Variants in NLK observed in about 807,000 individuals in gnomAD.
The protein encoded by NLK is serine/threonine-protein kinase NLK.
NLK carries 11 observed loss-of-function variants against 59.0 expected under a neutral mutation model. The observed-to-expected ratio is 0.19, with a 90% CI of 0.12 to 0.31. The LOEUF (loss-of-function observed/expected upper bound fraction) is 0.31. Ranked by LOEUF, NLK falls within the 10% of genes least tolerant of loss-of-function variation. The pLI, the probability that NLK is intolerant of heterozygous loss-of-function variation, is 1.00. For synonymous variants in NLK, 235 were observed against 235.9 expected, an observed-to-expected ratio of 1.00 and a Z score of 0.03; for missense variants, 410 against 661.1, an observed-to-expected ratio of 0.62 and a Z score of 4.16.
At chr17:28,151,918 G>C (rs969305285) in intron 3 of NLK, among the ~76,000 whole-genome samples, 1 of 152,182 alleles carries the variant, frequency 6.6e-6, no homozygotes, top group Admixed American at 6.5e-5. Context: ...AATTATGTAC[G>C]TGTGTATGTG....
downstream of NLK, among the ~76,000 whole-genome samples, chr17:28,197,738 GTC>G (rs1228164585): frequency 6.7e-6 from 1 of 149,520 alleles, no homozygotes; most frequent in East Asian, 2.0e-4. Flanking sequence ...GTTTTTTTTT[GTC>G]TCTCTATGGT....
intron 7 of NLK, among the ~76,000 whole-genome samples, chr17:28,176,699 T>C (rs913225435): frequency 9.9e-5 from 15 of 152,232 alleles, no homozygotes; most frequent in Non-Finnish European, 1.6e-4. Flanking sequence ...TGTGAGAACA[T>C]ATAAAATAAA....
At chr17:28,163,518 CAATT>C in intron 4 of NLK, 21 bp from the exon 5 acceptor site, 1 of 1,333,336 alleles carries the variant, frequency 7.5e-7, no homozygotes, top group Non-Finnish European at 1.1e-6. Context: ...TAAATATCTG[CAATT>C]AAATCTGTTT....
At chr17:28,138,155 C>CATT (rs1906837630) in intron 3 of NLK, among the ~76,000 whole-genome samples, 1 of 152,182 alleles carries the variant, frequency 6.6e-6, no homozygotes, top group Non-Finnish European at 1.5e-5. Context: ...CTACAATGCA[C>CATT]ATTAACAGGC....
At chr17:28,129,785 C>T (rs888540302) in intron 2 of NLK, among the ~76,000 whole-genome samples, 1 of 151,982 alleles carries the variant, frequency 6.6e-6, no homozygotes, top group African/African-American at 2.4e-5. Flanking sequence ...AGATAAATTT[C>T]TTGTCTTTAT....
At chr17:28,145,933 C>T (rs950241922) in intron 3 of NLK, among the ~76,000 whole-genome samples, 2 of 152,080 alleles carry the variant, frequency 1.3e-5, no homozygotes, top group Non-Finnish European at 1.5e-5. Flanking sequence ...TCTTGACTCC[C>T]GATCTCAGGT....
intron 1 of NLK, among the ~76,000 whole-genome samples, chr17:28,077,284 G>T (rs573642822): frequency 6.6e-6 from 1 of 151,964 alleles, no homozygotes; most frequent in Admixed American, 6.6e-5. Flanking sequence ...CAGAATCATG[G>T]TGGGAGGCGA....
rs1352566680 is a variant in NLK, at chr17:28,176,722, C to T, written c.1149+4104C>T. On this transcript the variant is annotated intron_variant, in intron 7 of 10. Transcript: ENST00000407008. ...CATATAAAATAAAATTAAAATTTTA[C>T]AGCAAGTTAGTTATCTGCAACTACC... is the stretch of plus-strand genomic sequence containing the variant. Among the ~76,000 whole-genome samples, 3 of 152,166 alleles carry T rather than the reference C, an allele frequency of 2.0e-5. No individual in the cohort carries two copies. In the East Asian group the frequency reaches 5.8e-4, roughly 29 times the overall value.
chr17:28,113,708 A>G lies in NLK; in HGVS notation c.459-8895A>G, dbSNP rs112972705. Among the ~76,000 whole-genome samples, 14 of 152,200 alleles carry G rather than the reference A, an allele frequency of 9.2e-5. 1 individual carries two copies. Among genetic ancestry groups the G allele is most frequent in the South Asian group, 2.1e-4 (1 of 4,810 alleles). ...GACCTGTATCTTGTGCTGACCTCCT[A>G]TCTCATCCTGTGACTTAGAATGCCT... is the stretch of plus-strand genomic sequence containing the variant. On this transcript the variant is annotated intron_variant, in intron 1 of 10. Coordinates refer to ENST00000407008, the MANE Select transcript of NLK (RefSeq NM_016231.5).
At chr17:28,047,159 A>T (rs945125148) in intron 1 of NLK, among the ~76,000 whole-genome samples, 12 of 152,208 alleles carry the variant, frequency 7.9e-5, no homozygotes, top group African/African-American at 2.9e-4. Context: ...TAAACCAATG[A>T]TTACACTGTC....
chr17:28,164,158 C>T (rs1908124683), intron 5 of NLK, among the ~76,000 whole-genome samples: 1 of 151,928 alleles, frequency 6.6e-6, no homozygotes, highest in Admixed American at 6.6e-5. Flanking sequence ...TTGCTTGAGC[C>T]CAGGAGTTCA....
intron 1 of NLK, among the ~76,000 whole-genome samples, chr17:28,118,775 A>G (rs1305646491): frequency 2.0e-5 from 3 of 152,214 alleles, no homozygotes. Flanking sequence ...ATTTATGAGT[A>G]TAAAGAAGTA....
At chr17:28,200,803 T>G (rs544315449), downstream of NLK, among the ~76,000 whole-genome samples, 1 of 150,328 alleles carries the variant, frequency 6.7e-6, no homozygotes, top group Non-Finnish European at 1.5e-5. Flanking sequence ...TTAAAAAAAA[T>G]TTTTTTTTTT....
chr17:28,150,116 A>G (rs923380695), intron 3 of NLK, among the ~76,000 whole-genome samples: 1 of 152,060 alleles, frequency 6.6e-6, no homozygotes, highest in African/African-American at 2.4e-5. Context: ...GAGCAGCGTA[A>G]CCTCTCCCAG....
At chr17:28,111,892 GTGTGGTGTGTGTGT>G (rs1905511955) in intron 1 of NLK, among the ~76,000 whole-genome samples, 1 of 114,534 alleles carries the variant, frequency 8.7e-6, no homozygotes, top group African/African-American at 3.9e-5. Flanking sequence ...GTGTGTGTGT[GTGTGGTGTGTGTGT>G]GTGTGTGTGT....
At chr17:28,191,375 C>G (rs539137301) in intron 9 of NLK, among the ~76,000 whole-genome samples, 156 bp downstream of exon 9, 50 of 152,252 alleles carry the variant, frequency 3.3e-4, no homozygotes, top group African/African-American at 1.2e-3. Context: ...CATAACAAAG[C>G]ATATTTAATA....
At chr17:28,086,577 T>C (rs949697904) in intron 1 of NLK, among the ~76,000 whole-genome samples, 2 of 152,162 alleles carry the variant, frequency 1.3e-5, no homozygotes, top group East Asian at 1.9e-4. Flanking sequence ...CCTACATAAC[T>C]GAATTTTTAT....
intron 3 of NLK, among the ~76,000 whole-genome samples, chr17:28,155,135 C>G (rs1176699726): frequency 2.6e-5 from 4 of 152,180 alleles, no homozygotes; most frequent in Non-Finnish European, 5.9e-5. Flanking sequence ...GAACACTATG[C>G]AGTCATTAAA....
At chr17:28,159,457 G>A (rs925998519) in intron 3 of NLK, among the ~76,000 whole-genome samples, 9 of 151,968 alleles carry the variant, frequency 5.9e-5, no homozygotes, top group African/African-American at 1.2e-4. Context: ...TCATCTCTGC[G>A]TAATTTTCTG....
Sources: gnomAD v4.1 joint callset for allele counts (sites outside exome capture counted in the v4.1 genomes callset) on GRCh38, gnomAD v4.1.1 for gene constraint, MANE v1.5 for transcripts, NCBI Gene and HGNC (gene_info 2026-07-23, HGNC 2026-07-21) for gene names.